Variants in SAMMSON observed in about 807,000 individuals in gnomAD.
SAMMSON encodes the protein long intergenic non-protein coding RNA 1212.
intron 6 of SAMMSON, among the ~76,000 whole-genome samples, chr3:70,253,999 G>A (rs1701792421): frequency 1.3e-5 from 2 of 152,016 alleles, no homozygotes; most frequent in Admixed American, 6.6e-5. Context: ...TCAAAAAAAG[G>A]GTTAACAAAT....
intron 9 of SAMMSON, among the ~76,000 whole-genome samples, chr3:70,377,144 T>C (rs1450456046): frequency 6.6e-6 from 1 of 152,052 alleles, no homozygotes; most frequent in Non-Finnish European, 1.5e-5. Context: ...GAGTGAAATT[T>C]AAAAGGCGAA....
chr3:70,427,312 T>C (rs556175984), intron 2 of SAMMSON, among the ~76,000 whole-genome samples: 5 of 152,346 alleles, frequency 3.3e-5, no homozygotes, highest in Non-Finnish European at 5.9e-5. Context: ...TAGTAGTTTC[T>C]ACTAACTGAT....
At chr3:70,171,012 A>T (rs1391747982) in intron 4 of SAMMSON, among the ~76,000 whole-genome samples, 1 of 151,840 alleles carries the variant, frequency 6.6e-6, no homozygotes, top group Non-Finnish European at 1.5e-5. Flanking sequence ...CTAGAAACAT[A>T]TGGACTCAAG....
chr3:70,429,177 T>C (rs1453255584), intron 2 of SAMMSON, among the ~76,000 whole-genome samples: 1 of 152,228 alleles, frequency 6.6e-6, no homozygotes, highest in Non-Finnish European at 1.5e-5. Flanking sequence ...TTCAGTTTTC[T>C]GCATATGGCT....
chr3:70,318,196 A>T (rs560862332), intron 7 of SAMMSON, among the ~76,000 whole-genome samples: 2 of 151,812 alleles, frequency 1.3e-5, no homozygotes, highest in Admixed American at 1.3e-4. Flanking sequence ...ATTTTTTCAG[A>T]TATTGTTTTT....
At chr3:70,384,441 T>A (rs1008398444) in intron 9 of SAMMSON, among the ~76,000 whole-genome samples, 1 of 152,022 alleles carries the variant, frequency 6.6e-6, no homozygotes, top group African/African-American at 2.4e-5. Context: ...ATATAGTCAA[T>A]CCGATGACTT....
At chr3:70,129,539 G>A (rs73108013) in intron 4 of SAMMSON, among the ~76,000 whole-genome samples, 10,982 of 152,152 alleles carry the variant, frequency 0.072, 535 homozygotes, top group Non-Finnish European at 0.11. Context: ...AGAGTAATGA[G>A]GCCTACAAAG....
Position 70,000,325 on chromosome 3 carries a change from C to A in SAMMSON, n.22+458C>A, listed in dbSNP as rs550219230. Among the ~76,000 whole-genome samples, 3 of 152,238 alleles carry A rather than the reference C, an allele frequency of 2.0e-5. No homozygotes were observed. In the East Asian group the frequency reaches 5.8e-4, roughly 29 times the overall value. On this transcript the variant is annotated intron_variant and non_coding_transcript_variant, in intron 1 of 9. Coordinates refer to ENST00000642114, the Ensembl canonical transcript of SAMMSON. ...AACGAGCCACACTCCCATCACACGC[C>A]CTGAGAGGAGGACAAGGGAACCCGT...
chr3:70,221,778 C>T (rs1576160347), intron 4 of SAMMSON, among the ~76,000 whole-genome samples: 1 of 152,102 alleles, frequency 6.6e-6, no homozygotes, highest in South Asian at 2.1e-4. Context: ...GTGATTATAT[C>T]GAGCATCATT....
chr3:70,255,387 T>G (rs1357268), intron 6 of SAMMSON, among the ~76,000 whole-genome samples: 2 of 152,094 alleles, frequency 1.3e-5, no homozygotes, highest in African/African-American at 4.8e-5. Flanking sequence ...TCATAATAAG[T>G]AGATATGGAA....
At chr3:70,028,143 T>G (rs201029455) in intron 3 of SAMMSON, among the ~76,000 whole-genome samples, 5 of 130,762 alleles carry the variant, frequency 3.8e-5, no homozygotes. Context: ...TCCTTCCTTC[T>G]TTCCTTCCTT....
intron 4 of SAMMSON, chr3:70,172,250 T>A (rs942368578): frequency 1.3e-5 from 2 of 150,460 alleles, no homozygotes; most frequent in Non-Finnish European, 3.0e-5. Flanking sequence ...CCCCAAATTG[T>A]TATTTTGTTT....
At chr3:70,054,445 C>T (rs1013440110) in intron 3 of SAMMSON, among the ~76,000 whole-genome samples, 6 of 152,112 alleles carry the variant, frequency 3.9e-5, no homozygotes, top group African/African-American at 1.4e-4. Flanking sequence ...CGCCTCCATT[C>T]CTCCTCTTGG....
chr3:70,026,413 C>G (rs539046001), intron 3 of SAMMSON, among the ~76,000 whole-genome samples: 2 of 152,210 alleles, frequency 1.3e-5, no homozygotes, highest in South Asian at 2.1e-4. Context: ...TCACTTGTCT[C>G]TCTTTCTTCC....
chr3:70,368,932 CTG>C (rs1300355248), intron 9 of SAMMSON, among the ~76,000 whole-genome samples: 11 of 151,726 alleles, frequency 7.2e-5, no homozygotes, highest in Middle Eastern at 3.4e-3. Flanking sequence ...TGTGTTGAAA[CTG>C]TAGATTGATT....
chr3:70,289,847 T>G (rs1234652265), intron 6 of SAMMSON, among the ~76,000 whole-genome samples: 5 of 152,012 alleles, frequency 3.3e-5, no homozygotes, highest in African/African-American at 4.8e-5. Context: ...TCCAGTTGAT[T>G]GCATCGGCTC....
intron 3 of SAMMSON, among the ~76,000 whole-genome samples, chr3:70,051,942 T>A (rs1042835331): frequency 9.9e-5 from 15 of 151,346 alleles, no homozygotes; most frequent in Non-Finnish European, 1.6e-4. Context: ...TAGAAAAAAA[T>A]TAAAAAGTAA....
At chr3:70,011,115 C>A (rs938446481) in intron 1 of SAMMSON, among the ~76,000 whole-genome samples, 6 of 151,992 alleles carry the variant, frequency 3.9e-5, no homozygotes, top group African/African-American at 9.7e-5. Context: ...CCTTTTTATA[C>A]CCTTTTATTT....
chr3:70,213,203 G>A (rs1449993416), intron 4 of SAMMSON, among the ~76,000 whole-genome samples: 2 of 151,996 alleles, frequency 1.3e-5, no homozygotes, highest in South Asian at 2.1e-4. Context: ...GAGCTCCTGG[G>A]CTCAAGTGAT....
Sources: allele counts gnomAD v4.1 joint callset (sites outside exome capture counted in the v4.1 genomes callset), GRCh38; gene constraint gnomAD v4.1.1; transcripts MANE v1.5; gene names NCBI Gene and HGNC (gene_info 2026-07-23, HGNC 2026-07-21).